Variants in TOP3B observed in about 807,000 individuals in gnomAD.
TOP3B encodes DNA topoisomerase III beta, also known as DNA topoisomerase 3-beta-1.
A neutral mutation model predicts 93.9 loss-of-function variants in TOP3B; 45 were observed. That is an observed-to-expected ratio of 0.48 (90% CI 0.38 to 0.61). The LOEUF (loss-of-function observed/expected upper bound fraction) is 0.61. TOP3B is among the 20% of genes least tolerant of loss of function. The probability of loss-of-function intolerance (pLI) is 0.00; values close to 1 mark genes in which losing one functional copy is unlikely to be tolerated. For synonymous variants in TOP3B, 357 were observed against 472.6 expected (o/e 0.76, Z 3.17); for missense variants, 750 against 1,156.1 (o/e 0.65, Z 5.09).
Position 21,964,272 on chromosome 22 carries a change from G to A in TOP3B, c.987C>T (p.Tyr329=), listed in dbSNP as rs368433772. The change falls in exon 10 of 18, where the codon TAC becomes TAT. Residue 329 remains tyrosine (Y), a synonymous_variant. Coordinates refer to ENST00000357179, the MANE Select transcript of TOP3B (RefSeq NM_001282112.2). ...QHAMQTAERL[Y]TQGYISYPRT... The stretch of plus-strand genomic sequence containing the variant: ...GTGGGTAGCTGATGTAGCCTTGCGT[G>A]TAGAGCCGCTCAGCCGTCTGCATGG... 4.6e-5 allele frequency: 75 copies of A among 1,614,018 alleles called. No individual in the cohort carries two copies. Among genetic ancestry groups the A allele is most frequent in the Non-Finnish European group, 6.2e-5 (73 of 1,180,032 alleles).
chr22:21,980,174 C>T (rs1341986247), intron 1 of TOP3B, among the ~76,000 whole-genome samples: 2 of 152,092 alleles, frequency 1.3e-5, no homozygotes, highest in Admixed American at 1.3e-4. Flanking sequence ...CTGGATGGAA[C>T]GCAAAACAAA....
Position 21,963,608 on chromosome 22 carries a change from C to T in TOP3B, c.1204+315G>A, listed in dbSNP as rs2071287938. 2.7e-6 allele frequency: 1 copy of T among 375,578 alleles called. No homozygotes were observed. The highest frequency in any genetic ancestry group is 4.9e-6 in the Non-Finnish European group (1 of 204,442). 23.3% of individuals were successfully genotyped at this position (375,578 alleles called of 1,614,324 possible). A position where few individuals can be genotyped will look rare whatever the true frequency, so the allele number is the denominator to read the frequency against. On this transcript the variant is annotated intron_variant, in intron 11 of 17. Transcript: ENST00000357179. The surrounding 1 kb of genome is among the most constrained non-coding windows in gnomAD (Gnocchi z 4.8). ...TCTCCTGGCACTCGGACCACTGGTA[C>T]CACCTTAGGCCAGCTGGGAGGTAGG...
intron 1 of TOP3B, among the ~76,000 whole-genome samples, chr22:21,979,688 T>C (rs556347370): frequency 5.7e-4 from 86 of 150,628 alleles, no homozygotes; most frequent in African/African-American, 1.9e-3. Context: ...ACGCCTGTAA[T>C]CCCAGCACTT....
At chr22:21,973,556 G>A (rs542167060) in intron 3 of TOP3B, 1 of 151,900 alleles carries the variant, frequency 6.6e-6, no homozygotes, top group African/African-American at 2.4e-5. Flanking sequence ...TTGCATCCTG[G>A]GAGAATGGGG....
At chr22:21,974,082 G>A (rs1435699738) in intron 3 of TOP3B, 3 of 306,304 alleles carry the variant, frequency 9.8e-6, no homozygotes, top group Non-Finnish European at 1.9e-5. Context: ...CCCTTCCTAA[G>A]ATAGGTGCTG....
In TOP3B at chr22:21,970,083, G is replaced by T; in HGVS notation, c.581+127C>A. 1 of 1,055,394 alleles carries T rather than the reference G, an allele frequency of 9.5e-7. No homozygotes were observed. Among genetic ancestry groups the T allele is most frequent in the Non-Finnish European group, 1.4e-6 (1 of 735,820 alleles). The allele number at this position is 1,055,394 out of a possible 1,614,324, so 65.4% of individuals were successfully genotyped here. On this transcript the variant is annotated intron_variant, in intron 6 of 17. Coordinates refer to ENST00000357179, the MANE Select transcript of TOP3B (RefSeq NM_001282112.2). The surrounding 1 kb of genome is among the most constrained non-coding windows in gnomAD (Gnocchi z 4.4). ...CTGTGCCTGGCCTTCTTCAGGGTTG[G>T]TGAAATCCCCTGTTGCTCATCCTGG...
Position 21,971,973 on chromosome 22 carries a change from C to T in TOP3B, c.310-22G>A, listed in dbSNP as rs1415445682. 4 of 1,607,554 alleles carry T rather than the reference C, an allele frequency of 2.5e-6. No homozygotes were observed. The highest frequency in any genetic ancestry group is 1.1e-5 in the South Asian group (1 of 90,680). ...CCACCTGCCACACAGCACAGGTTCA[C>T]ACGTACCTGCTGCAGACCCGGTCTG... On this transcript the variant is annotated intron_variant, in intron 4 of 17. Transcript: ENST00000357179. This position sits in a 1 kb window ranked among gnomAD's most constrained non-coding sequence, Gnocchi z 4.6.
intron 2 of TOP3B, chr22:21,975,062 C>G (rs2071805920): frequency 6.5e-6 from 1 of 152,734 alleles, no homozygotes; most frequent in Non-Finnish European, 1.5e-5. Flanking sequence ...TTTCTGGGTA[C>G]CCAGCATCTA....
intron 7 of TOP3B, 75 bp downstream of exon 7, chr22:21,968,544 A>G: frequency 6.3e-7 from 1 of 1,580,938 alleles, no homozygotes; most frequent in South Asian, 1.1e-5. Flanking sequence ...CTGCCGGCTG[A>G]TGATGATGGA....
intron 9 of TOP3B, 121 bp downstream of exon 9, chr22:21,965,164 C>T (rs1357810745): frequency 1.7e-6 from 1 of 582,944 alleles, no homozygotes; most frequent in South Asian, 3.2e-5. Flanking sequence ...GTGAAATCCT[C>T]CTGAGGCTCA....
intron 4 of TOP3B, 116 bp from the exon 5 acceptor site, chr22:21,972,067 G>T: frequency 8.7e-6 from 7 of 802,576 alleles, no homozygotes; most frequent in Non-Finnish European, 1.4e-5. Context: ...CAGTTAGGAG[G>T]ACTGGTACCT....
chr22:21,974,697 CAGAGCA>C, intron 2 of TOP3B: 1 of 485,302 alleles, frequency 2.1e-6, no homozygotes, highest in South Asian at 2.8e-5. Context: ...CAACCTAGCA[CAGAGCA>C]CTCTCGATGC....
intron 4 of TOP3B, 56 bp from the exon 5 acceptor site, chr22:21,972,007 GC>G: frequency 2.0e-6 from 3 of 1,476,440 alleles, no homozygotes; most frequent in Non-Finnish European, 1.9e-6. Flanking sequence ...TGTGCCACCC[GC>G]CCCCAGTGCT....
chr22:21,966,720 G>A (rs2071427380), intron 8 of TOP3B: 1 of 152,182 alleles, frequency 6.6e-6, no homozygotes, highest in Non-Finnish European at 1.5e-5. Context: ...CCCAGGCCCT[G>A]GCCCTTGCCA....
chr22:21,972,194 C>A (rs1392033428), intron 4 of TOP3B: 2 of 521,332 alleles, frequency 3.8e-6, no homozygotes, highest in Non-Finnish European at 6.7e-6. Context: ...TGATCTTATA[C>A]CCCAAAACTG....
chr22:21,970,158 T>C lies in TOP3B; in HGVS notation c.581+52A>G, dbSNP rs2071576872. On this transcript the variant is annotated intron_variant, in intron 6 of 17. Coordinates refer to ENST00000357179, the MANE Select transcript of TOP3B (RefSeq NM_001282112.2). The surrounding 1 kb of genome is among the most constrained non-coding windows in gnomAD (Gnocchi z 4.4). ...AGGGGGACCAGTAGAGGCAGGTCTCTGGCTGAGGGAGAGTGAGGGTGTGCC... is the reference window on the plus strand; with the variant it reads ...AGGGGGACCAGTAGAGGCAGGTCTCCGGCTGAGGGAGAGTGAGGGTGTGCC... 8.2e-6 allele frequency: 13 copies of C among 1,577,304 alleles called. No homozygotes were observed. Among genetic ancestry groups the C allele is most frequent in the Non-Finnish European group, 1.1e-5 (13 of 1,163,856 alleles).
intron 9 of TOP3B, 71 bp from the exon 10 acceptor site, chr22:21,964,386 A>G (rs2071332392): frequency 1.9e-6 from 3 of 1,573,520 alleles, no homozygotes; most frequent in Non-Finnish European, 2.6e-6. Context: ...TGGCCTATGC[A>G]CTCAGGCTCC....
chr22:21,959,990 C>A (rs867706985), intron 14 of TOP3B: 1 of 624,450 alleles, frequency 1.6e-6, no homozygotes, highest in Non-Finnish European at 2.8e-6. Context: ...CCACATCACA[C>A]ATGAGCTCCA....
intron 11 of TOP3B, 65 bp from the exon 12 acceptor site, chr22:21,962,958 G>T (rs1468369427): frequency 6.3e-7 from 1 of 1,585,626 alleles, no homozygotes; most frequent in Non-Finnish European, 8.6e-7. Flanking sequence ...GGAGCCCCCA[G>T]TACTCTCGCT....
Sources: allele counts gnomAD v4.1 joint callset (sites outside exome capture counted in the v4.1 genomes callset), GRCh38; gene constraint gnomAD v4.1.1; non-coding constraint Gnocchi (gnomAD v3.1); transcripts MANE v1.5; gene names NCBI Gene and HGNC (gene_info 2026-07-23, HGNC 2026-07-21).